Variants in SCN8A observed in about 807,000 individuals in gnomAD.
SCN8A encodes the protein sodium channel protein type 8 subunit alpha.
SCN8A carries 30 observed loss-of-function variants against 184.1 expected under a neutral mutation model. The ratio of observed to expected loss-of-function variants is 0.16; its 90% CI spans 0.12 to 0.22. The LOEUF is 0.22. Among genes scored for constraint, SCN8A ranks in the 10% least tolerant of loss-of-function variants. SCN8A has a pLI of 1.00. For synonymous variants in SCN8A, 852 were observed against 907.0 expected (o/e 0.94, Z 1.09); for missense variants, 1,057 against 2,498.9 (o/e 0.42, Z 12.30).
At chr12:51,783,461 C>T (rs1937986983) in intron 21 of SCN8A, among the ~76,000 whole-genome samples, 1 of 152,174 alleles carries the variant, frequency 6.6e-6, no homozygotes. Context: ...AGACTCAGAG[C>T]TTCGCTTGAG....
intron 2 of SCN8A, among the ~76,000 whole-genome samples, chr12:51,673,898 G>T (rs1015327078): frequency 2.0e-5 from 3 of 152,164 alleles, no homozygotes; most frequent in African/African-American, 7.2e-5. Context: ...GTTGAATGGG[G>T]CTGTCTTCAT....
rs140399133 is a variant in SCN8A at position 51,668,333 on chromosome 12, C to T, written c.276+5240C>T. Among the ~76,000 whole-genome samples the T allele has an allele frequency of 3.8e-3, 577 of 152,272 alleles. 4 individuals are homozygous for T. Among genetic ancestry groups the T allele is most frequent in the African/African-American group, 0.013 (532 of 41,550 alleles). On this transcript the variant is annotated intron_variant, in intron 2 of 26. Coordinates refer to ENST00000627620, the MANE Select transcript of SCN8A (RefSeq NM_001330260.2). The stretch of plus-strand genomic sequence containing the variant: ...CCTTAGACATCATCTAGTTCATCCT[C>T]CTCATTTTATAAATTTTATGAGGTG...
chr12:51,812,290 T>A lies in SCN8A; in HGVS notation c.*4861T>A, dbSNP rs185877446. On this transcript the variant is annotated 3_prime_UTR_variant, in exon 27 of 27. Coordinates refer to ENST00000627620, the MANE Select transcript of SCN8A (RefSeq NM_001330260.2). ...AGTGGTTCCAGAAAAGGGACAGAACTGTGTTCTGTCCCTAGCTTGACCGCT... is the reference window on the plus strand; with the variant it reads ...AGTGGTTCCAGAAAAGGGACAGAACAGTGTTCTGTCCCTAGCTTGACCGCT... The A allele has an allele frequency of 0.018, 2,784 of 154,120 alleles. 42 individuals carry two copies. Among genetic ancestry groups the A allele is most frequent in the Non-Finnish European group, 0.027 (1,875 of 69,194 alleles). The allele number at this position is 154,120 out of a possible 1,614,324, so 9.5% of individuals were successfully genotyped here. A position where few individuals can be genotyped will look rare whatever the true frequency, so the allele number is the denominator to read the frequency against.
intron 22 of SCN8A, among the ~76,000 whole-genome samples, chr12:51,788,039 T>TG (rs1231009760): frequency 3.9e-5 from 6 of 152,152 alleles, no homozygotes; most frequent in African/African-American, 1.4e-4. Context: ...TCCTGTGCCC[T>TG]GAAAAAACCT....
chr12:51,794,635 A>G lies in SCN8A; in HGVS notation c.4789A>G (p.Ile1597Val). ...CGACTTCGTGGTAGTCATCCTCTCCATTGTGGGTGAGTGGGGTTGGGGAAG... is the reference window on the plus strand; with the variant it reads ...CGACTTCGTGGTAGTCATCCTCTCCGTTGTGGGTGAGTGGGGTTGGGGAAG... ...IFDFVVVILSIVGMFLADIIE... is the reference protein window; with the variant it reads ...IFDFVVVILSVVGMFLADIIE... The change falls in exon 26 of 27, where the codon ATT becomes GTT. Residue 1597 changes from isoleucine (I) to valine (V), a missense_variant. Ile to Val is a conservative substitution (Grantham distance 29). Coordinates refer to ENST00000627620, the MANE Select transcript of SCN8A (RefSeq NM_001330260.2). The G allele has an allele frequency of 6.2e-7, 1 of 1,613,532 alleles. No individual in the cohort carries two copies. Among genetic ancestry groups the G allele is most frequent in the Non-Finnish European group, 8.5e-7 (1 of 1,179,628 alleles).
intron 11 of SCN8A, among the ~76,000 whole-genome samples, chr12:51,710,659 C>CA (rs985128066): frequency 4.0e-5 from 6 of 151,652 alleles, no homozygotes; most frequent in Non-Finnish European, 7.4e-5. Context: ...ACCCTGTCTC[C>CA]AAAAAAACAA....
chr12:51,703,029 G>A (rs1033214336), intron 9 of SCN8A, 115 bp downstream of exon 9: 7 of 981,734 alleles, frequency 7.1e-6, no homozygotes, highest in African/African-American at 3.3e-5. Flanking sequence ...TAACTGTTGT[G>A]TTTCCCACAG....
chr12:51,621,663 G>A (rs114188456), intron 1 of SCN8A, among the ~76,000 whole-genome samples: 1,820 of 152,298 alleles, frequency 0.012, 38 homozygotes, highest in African/African-American at 0.041. Flanking sequence ...CTTTAATTCT[G>A]TGTCAGAGCA....
rs565105071 is a variant in SCN8A at position 51,769,483 on chromosome 12, C to T, written c.3372+148C>T. On this transcript the variant is annotated intron_variant, in intron 17 of 26. Coordinates refer to ENST00000627620, the MANE Select transcript of SCN8A (RefSeq NM_001330260.2). ...AGAACTAATTCCACCATCCCAGTAT[C>T]ATTCTAGGCCTTTCCTAAATGAGGT... 14 of 626,526 alleles carry T rather than the reference C, an allele frequency of 2.2e-5. No individual in the cohort carries two copies. The South Asian group carries it at 2.9e-4, about 13-fold the overall frequency. 38.8% of individuals were successfully genotyped at this position (626,526 alleles called of 1,614,324 possible). A position where few individuals can be genotyped will look rare whatever the true frequency, so the allele number is the denominator to read the frequency against.
In SCN8A at chr12:51,735,525, C is replaced by T. The variant is rs140089828; in HGVS notation, c.1999-10378C>T. 6.4e-3 allele frequency among the ~76,000 whole-genome samples: 966 copies of T among 152,120 alleles called. 9 individuals are homozygous for T. Among genetic ancestry groups the T allele is most frequent in the African/African-American group, 0.02 (811 of 41,500 alleles). On this transcript the variant is annotated intron_variant, in intron 12 of 26. Coordinates refer to ENST00000627620, the MANE Select transcript of SCN8A (RefSeq NM_001330260.2). ...AGTGATTGCATCCAGGCATTATTAC[C>T]GGCCCTTATTGAAGGAATACTCACG... is the stretch of plus-strand genomic sequence containing the variant.
intron 1 of SCN8A, among the ~76,000 whole-genome samples, chr12:51,627,053 A>G (rs1940094405): frequency 6.6e-6 from 1 of 152,118 alleles, no homozygotes; most frequent in South Asian, 2.1e-4. Flanking sequence ...TAGCATAGTT[A>G]TATGTATGTG....
At chr12:51,803,557 C>G (rs866052161) in intron 26 of SCN8A, among the ~76,000 whole-genome samples, 1 of 152,216 alleles carries the variant, frequency 6.6e-6, no homozygotes, top group Middle Eastern at 3.4e-3. Flanking sequence ...AATGGTGTTT[C>G]TACTGCCTAC....
At chr12:51,803,097 G>GGT (rs1938601235) in intron 26 of SCN8A, among the ~76,000 whole-genome samples, 1 of 152,194 alleles carries the variant, frequency 6.6e-6, no homozygotes, top group African/African-American at 2.4e-5. Flanking sequence ...TGAGGAGCAA[G>GGT]GAAGCCAGTA....
intron 1 of SCN8A, among the ~76,000 whole-genome samples, chr12:51,639,136 AC>A (rs372829503): frequency 9.4e-4 from 143 of 151,912 alleles, no homozygotes; most frequent in Admixed American, 4.3e-3. Flanking sequence ...CAGCCACCAC[AC>A]CTGGCTAATT....
At chr12:51,705,272 C>A in intron 9 of SCN8A, 145 bp from the exon 10 acceptor site, 1 of 640,792 alleles carries the variant, frequency 1.6e-6, no homozygotes, top group Non-Finnish European at 2.7e-6. Flanking sequence ...GTACCAAGTG[C>A]CCACAATAGG....
chr12:51,776,410 G>A (rs1006904124), intron 20 of SCN8A, among the ~76,000 whole-genome samples: 2 of 152,164 alleles, frequency 1.3e-5, no homozygotes, highest in African/African-American at 2.4e-5. Flanking sequence ...TTACTGTGGT[G>A]CCCAACTGGC....
At chr12:51,638,573 G>A (rs916901464) in intron 1 of SCN8A, among the ~76,000 whole-genome samples, 1 of 150,082 alleles carries the variant, frequency 6.7e-6, no homozygotes, top group African/African-American at 2.5e-5. Flanking sequence ...TGCAACCTCC[G>A]CCTCCCGGGT....
At chr12:51,788,801 C>A in intron 23 of SCN8A, 53 bp downstream of exon 23, 1 of 1,528,376 alleles carries the variant, frequency 6.5e-7, no homozygotes, top group Admixed American at 1.7e-5. Flanking sequence ...GGAAAGCAAG[C>A]AGCATGGTAT....
At chr12:51,641,186 T>C (rs1054940964) in intron 1 of SCN8A, among the ~76,000 whole-genome samples, 1 of 152,212 alleles carries the variant, frequency 6.6e-6, no homozygotes, top group Non-Finnish European at 1.5e-5. Context: ...TTAGGTATTA[T>C]AAGGAATCTA....
Sources: gnomAD v4.1 joint callset for allele counts (sites outside exome capture counted in the v4.1 genomes callset) on GRCh38, gnomAD v4.1.1 for gene constraint, MANE v1.5 for transcripts, NCBI Gene and HGNC (gene_info 2026-07-23, HGNC 2026-07-21) for gene names.